Variants in GGACT observed in about 807,000 individuals in gnomAD.
GGACT encodes the protein gamma-glutamylamine cyclotransferase.
For missense variants in GGACT, 241 were observed against 233.2 expected, an observed-to-expected ratio of 1.03 and a Z score of -0.22; for synonymous variants, 118 against 115.3, an observed-to-expected ratio of 1.02 and a Z score of -0.15.
rs972249425 is a variant in GGACT at position 100,563,730 on chromosome 13, A to G, written c.-11+20095T>C. Among the ~76,000 whole-genome samples the G allele has an allele frequency of 2.0e-5, 3 of 152,246 alleles. No homozygotes were observed. The East Asian group carries it at 5.8e-4, about 29-fold the overall frequency. ...TAGAATATGATGTGTGGAATGCCAC[A>G]GTGAAGGGTTTGTTCAGCATGTCAT... On this transcript the variant is annotated intron_variant, in intron 2 of 2. Coordinates refer to ENST00000683975, the MANE Select transcript of GGACT (RefSeq NM_001195087.2).
intron 2 of GGACT, chr13:100,533,789 CAG>C (rs1042272440): frequency 1.3e-5 from 2 of 152,224 alleles, no homozygotes; most frequent in Non-Finnish European, 2.9e-5. Flanking sequence ...TACATAAAGA[CAG>C]AAGTGATTTG....
intron 2 of GGACT, among the ~76,000 whole-genome samples, chr13:100,550,339 CA>C (rs796334496): frequency 0.33 from 41,559 of 125,650 alleles, 10,701 homozygotes; most frequent in South Asian, 0.5. Flanking sequence ...CACACACACA[CA>C]CACACACACA....
chr13:100,576,663 G>A (rs542671535), intron 2 of GGACT, among the ~76,000 whole-genome samples: 3 of 152,268 alleles, frequency 2.0e-5, no homozygotes, highest in South Asian at 2.1e-4. Flanking sequence ...CAGCCTCAAA[G>A]GTTGCATATT....
intron 1 of GGACT, among the ~76,000 whole-genome samples, chr13:100,584,770 G>A (rs1373662551): frequency 1.3e-5 from 2 of 151,814 alleles, no homozygotes; most frequent in Non-Finnish European, 2.9e-5. Flanking sequence ...CCTATTACTA[G>A]GTACCCACAA....
chr13:100,578,069 G>T (rs1024672214), intron 2 of GGACT, among the ~76,000 whole-genome samples: 1 of 152,204 alleles, frequency 6.6e-6, no homozygotes, highest in African/African-American at 2.4e-5. Flanking sequence ...AGAGAGCCCT[G>T]ATCACAAAGT....
At position 100,585,822 on chromosome 13, in the gene GGACT, CAAAAAAAAAAAAAA is replaced by C. The variant is rs550006144; in HGVS notation, c.-183-1839_-183-1826del. Among the ~76,000 whole-genome samples the C allele has an allele frequency of 1.6e-3, 46 of 29,556 alleles. 1 individual carries two copies. The highest frequency in any genetic ancestry group is 9.4e-3 in the Admixed American group (13 of 1,382). 19.4% of individuals were successfully genotyped at this position (29,556 alleles called of 152,430 possible). A position where few individuals can be genotyped will look rare whatever the true frequency, so the allele number is the denominator to read the frequency against. On this transcript the variant is annotated intron_variant, in intron 1 of 2. Coordinates refer to ENST00000683975, the MANE Select transcript of GGACT (RefSeq NM_001195087.2). ...CAGCCTGGGCAATACCTGTCTCCAC[CAAAAAAAAAAAAAA>C]AAAAAAAAAAAAAAAAAAATAGCTG...
chr13:100,567,720 C>T (rs920195527), intron 2 of GGACT, among the ~76,000 whole-genome samples: 2 of 152,216 alleles, frequency 1.3e-5, no homozygotes, highest in African/African-American at 4.8e-5. Context: ...TATCTGTCTA[C>T]ACTTATTGAA....
intron 2 of GGACT, among the ~76,000 whole-genome samples, chr13:100,532,825 ATTCC>A (rs985481372): frequency 2.0e-5 from 3 of 152,254 alleles, no homozygotes; most frequent in African/African-American, 7.2e-5. Context: ...TGTGAAAGCC[ATTCC>A]TAGCTTGTGG....
chr13:100,577,452 A>G (rs1489586624), intron 2 of GGACT, among the ~76,000 whole-genome samples: 3 of 148,626 alleles, frequency 2.0e-5, no homozygotes, highest in Non-Finnish European at 4.5e-5. Flanking sequence ...TAAATAAATA[A>G]AAAGAAAAAG....
intron 2 of GGACT, among the ~76,000 whole-genome samples, chr13:100,559,965 T>C (rs2088745022): frequency 6.6e-6 from 1 of 152,124 alleles, no homozygotes; most frequent in Non-Finnish European, 1.5e-5. Context: ...CATGCATAAA[T>C]CTCAAACACA....
At chr13:100,573,328 C>A (rs1389862632) in intron 2 of GGACT, among the ~76,000 whole-genome samples, 1 of 152,074 alleles carries the variant, frequency 6.6e-6, no homozygotes, top group Non-Finnish European at 1.5e-5. Context: ...GAAATATGTG[C>A]ATATATGTGC....
intron 2 of GGACT, among the ~76,000 whole-genome samples, chr13:100,547,417 T>C (rs375721326): frequency 5.2e-4 from 79 of 152,368 alleles, no homozygotes; most frequent in African/African-American, 1.7e-3. Flanking sequence ...ATCATTGACC[T>C]ATCTGTGCAC....
At chr13:100,546,161 C>T (rs1169625380) in intron 2 of GGACT, among the ~76,000 whole-genome samples, 4 of 151,924 alleles carry the variant, frequency 2.6e-5, no homozygotes, top group African/African-American at 9.7e-5. Flanking sequence ...GAGATCGAGA[C>T]TATCCTAGCT....
chr13:100,584,499 G>A (rs1444527819), intron 1 of GGACT, among the ~76,000 whole-genome samples: 1 of 151,996 alleles, frequency 6.6e-6, no homozygotes, highest in Non-Finnish European at 1.5e-5. Context: ...GGGGGGTTGG[G>A]GGAAAGCAGA....
intron 2 of GGACT, among the ~76,000 whole-genome samples, chr13:100,556,995 T>C (rs1236050112): frequency 1.3e-5 from 2 of 152,132 alleles, no homozygotes; most frequent in African/African-American, 4.8e-5. Context: ...GTTCAAGCGA[T>C]TCTCATGCCT....
Position 100,532,557 on chromosome 13 carries a change from C to G in GGACT, c.35G>C (p.Arg12Pro), listed in dbSNP as rs781734938. ...ALVFVYGTLKRGQPNHRVLRD... is the reference protein window; with the variant it reads ...ALVFVYGTLKPGQPNHRVLRD... ...CAGGACCCTGTGGTTGGGCTGACCC[C>G]GCTTCAGGGTGCCGTACACGAAGAC... The change falls in exon 3 of 3, where the codon CGG becomes CCG. Residue 12 changes from arginine (R) to proline (P), a missense_variant. Coordinates refer to ENST00000683975, the MANE Select transcript of GGACT (RefSeq NM_001195087.2). 6.5e-7 allele frequency: 1 copy of G among 1,547,022 alleles called. No individual in the cohort carries two copies.
At chr13:100,551,223 G>A (rs2088660899) in intron 2 of GGACT, among the ~76,000 whole-genome samples, 1 of 152,012 alleles carries the variant, frequency 6.6e-6, no homozygotes, top group Non-Finnish European at 1.5e-5. Context: ...GGTGGAGCTT[G>A]CAGTGAGCCG....
chr13:100,580,055 T>G (rs1164382411), intron 2 of GGACT: 12 of 152,228 alleles, frequency 7.9e-5, no homozygotes, highest in Non-Finnish European at 4.4e-5. Context: ...CTGATGGGTC[T>G]GCCTCGGTGT....
At chr13:100,550,915 G>A (rs189764321) in intron 2 of GGACT, among the ~76,000 whole-genome samples, 105 of 152,316 alleles carry the variant, frequency 6.9e-4, no homozygotes, top group Non-Finnish European at 1.2e-3. Context: ...GCTCACACAT[G>A]TGAGGCATTT....
Sources: gnomAD v4.1 joint callset for allele counts (sites outside exome capture counted in the v4.1 genomes callset) on GRCh38, gnomAD v4.1.1 for gene constraint, MANE v1.5 for transcripts, NCBI Gene and HGNC (gene_info 2026-07-23, HGNC 2026-07-21) for gene names.